SEPTIN8: variants seen among roughly 807,000 people sequenced by gnomAD.
SEPTIN8 encodes septin 8.
SEPTIN8 carries 22 observed loss-of-function variants against 53.1 expected under a neutral mutation model. The ratio of observed to expected loss-of-function variants is 0.41; its 90% CI spans 0.30 to 0.59. The LOEUF is 0.59. SEPTIN8 is among the 20% of genes least tolerant of loss of function. SEPTIN8 has a pLI of 0.24. For synonymous variants in SEPTIN8, 228 were observed against 248.4 expected (o/e 0.92, Z 0.77); for missense variants, 536 against 638.7 (o/e 0.84, Z 1.73).
chr5:132,763,938 G>A (rs1194594972), intron 3 of SEPTIN8, 46 bp from the exon 4 acceptor site: 1 of 1,500,758 alleles, frequency 6.7e-7, no homozygotes, highest in Admixed American at 2.2e-5. Context: ...TGAGATCAGG[G>A]GCTTGGGGCT....
chr5:132,763,929 G>A (rs1756280116), intron 3 of SEPTIN8, 37 bp from the exon 4 acceptor site: 1 of 1,522,792 alleles, frequency 6.6e-7, no homozygotes, highest in Non-Finnish European at 8.8e-7. Context: ...GCTGCCAGCT[G>A]AGATCAGGGG....
rs141037972 is a variant in SEPTIN8, at chr5:132,774,780, C to T, written c.30+2328G>A. 7.3e-4 allele frequency among the ~76,000 whole-genome samples: 111 copies of T among 152,280 alleles called. 1 individual carries two copies. The East Asian group carries it at 0.017, about 23-fold the overall frequency. On this transcript the variant is annotated intron_variant, in intron 1 of 9. Transcript: ENST00000378719. Reference sequence around the variant, plus strand: ...CAGTGTAGACCTGTCATGGCTCCATCACATCCTGGGGCTTGCGAGACACCT... The same window carrying T: ...CAGTGTAGACCTGTCATGGCTCCATTACATCCTGGGGCTTGCGAGACACCT...
Position 132,761,385 on chromosome 5 carries a change from C to G in SEPTIN8, c.962+73G>C, listed in dbSNP as rs1289576479. 3.8e-6 allele frequency: 6 copies of G among 1,586,200 alleles called. No homozygotes were observed. The highest frequency in any genetic ancestry group is 5.1e-6 in the Non-Finnish European group (6 of 1,168,668). On this transcript the variant is annotated intron_variant, in intron 7 of 9. Coordinates refer to ENST00000378719, the MANE Select transcript of SEPTIN8 (RefSeq NM_001098811.2). This position sits in a 1 kb window ranked among gnomAD's most constrained non-coding sequence, Gnocchi z 5.8. ...AGGGGTAAGAGGATGTGGGGTCCCT[C>G]AGGGAACAGATGCCAGGGTGGTGTG...
intron 3 of SEPTIN8, 32 bp from the exon 4 acceptor site, chr5:132,763,924 C>A: frequency 6.5e-7 from 1 of 1,527,978 alleles, no homozygotes; most frequent in South Asian, 1.3e-5. Context: ...AGGAGGCTGC[C>A]AGCTGAGATC....
chr5:132,764,780 T>C (rs30506), intron 2 of SEPTIN8, among the ~76,000 whole-genome samples: 55,244 of 152,054 alleles, frequency 0.36, 16,843 homozygotes, highest in African/African-American at 0.8. Context: ...ACACCCCTCC[T>C]GGGACCAGGG....
intron 9 of SEPTIN8, among the ~76,000 whole-genome samples, chr5:132,755,000 A>G (rs1265766619): frequency 4.6e-5 from 7 of 152,176 alleles, no homozygotes; most frequent in Non-Finnish European, 1.0e-4. Context: ...CTTCCCTGAA[A>G]TGAATGAGCC....
At position 132,759,097 on chromosome 5, in the gene SEPTIN8, A is replaced by G. The variant is rs1755635739; in HGVS notation, c.1286+1705T>C. 3 of 597,492 alleles carry G rather than the reference A, an allele frequency of 5.0e-6. No individual in the cohort carries two copies. The East Asian group carries it at 1.1e-4, about 21-fold the overall frequency. 37.0% of individuals were successfully genotyped at this position (597,492 alleles called of 1,614,324 possible). Reference sequence around the variant, plus strand: ...AAACCACTCAAATAAATGGTCATGAAAAACACCCCTGCCCCCATTCCAAAA... The same window carrying G: ...AAACCACTCAAATAAATGGTCATGAGAAACACCCCTGCCCCCATTCCAAAA... On this transcript the variant is annotated intron_variant, in intron 9 of 9. Coordinates refer to ENST00000378719, the MANE Select transcript of SEPTIN8 (RefSeq NM_001098811.2).
rs1473079443 is a variant in SEPTIN8 at position 132,751,834 on chromosome 5, T to C, written c.*182A>G. The stretch of plus-strand genomic sequence containing the variant: ...AAGCCTCAAGCCCCTTACGGAGCCA[T>C]GGATAGGAATGAAAAGGGTTGGGCA... On this transcript the variant is annotated 3_prime_UTR_variant, in exon 10 of 10. Transcript: ENST00000378719. The C allele has an allele frequency of 7.3e-6, 8 of 1,097,152 alleles. No homozygotes were observed. The highest frequency in any genetic ancestry group is 9.1e-6 in the Non-Finnish European group (7 of 772,554). 68.0% of individuals were successfully genotyped at this position (1,097,152 alleles called of 1,614,324 possible). A position where few individuals can be genotyped will look rare whatever the true frequency, so the allele number is the denominator to read the frequency against.
intron 4 of SEPTIN8, among the ~76,000 whole-genome samples, chr5:132,763,354 T>C (rs182171985): frequency 2.0e-5 from 3 of 151,936 alleles, no homozygotes; most frequent in South Asian, 2.1e-4. Flanking sequence ...AATTGAGAGA[T>C]AGAAAATGAG....
At position 132,763,765 on chromosome 5, in the gene SEPTIN8, G is replaced by A; in HGVS notation, c.475C>T (p.Pro159Ser). 6.2e-7 allele frequency: 1 copy of A among 1,614,190 alleles called. No homozygotes were observed. The highest frequency in any genetic ancestry group is 1.1e-5 in the South Asian group (1 of 91,080). ...AGAGACTTCAGGGAGTGCCCTGTGG[G>A]CGTGATGAAGTAGAGGCAAACGTGG... ...RIHVCLYFIT[P>S]TGHSLKSLDL... is the part of the protein sequence containing the mutation. Residue 159 changes from proline (P) to serine (S), a missense_variant, in exon 4 of 10, where the codon CCC (proline) becomes TCC (serine). By Grantham distance (74) the Pro-to-Ser change is moderately conservative. This residue lies in a region of SEPTIN8 where 395 missense variants were observed against 451.8 expected (regional missense o/e 0.87). Transcript: ENST00000378719.
intron 9 of SEPTIN8, chr5:132,752,988 C>T (rs376498063): frequency 6.4e-5 from 102 of 1,593,588 alleles, no homozygotes; most frequent in Middle Eastern, 1.8e-4. Flanking sequence ...GCCTCCACCC[C>T]GGGGCTTTCA....
chr5:132,770,061 GTGTATATATATATATATA>G (rs1157093624), intron 1 of SEPTIN8, among the ~76,000 whole-genome samples: 2 of 74,080 alleles, frequency 2.7e-5, no homozygotes, highest in African/African-American at 4.9e-5. Context: ...GTGTGTGTGT[GTGTATATATATATATATA>G]TGTATATATG....
rs1757886302 is a variant in SEPTIN8, at chr5:132,777,168, G to A, written c.-31C>T. 2.9e-6 allele frequency: 2 copies of A among 680,366 alleles called. No individual in the cohort carries two copies. Among genetic ancestry groups the A allele is most frequent in the Admixed American group, 5.0e-5 (1 of 19,924 alleles). 42.1% of individuals were successfully genotyped at this position (680,366 alleles called of 1,614,324 possible). A position where few individuals can be genotyped will look rare whatever the true frequency, so the allele number is the denominator to read the frequency against. ...GCTCCGCACCGGGCGGGTGGGCTGG[G>A]ACGAGCGCAGGGGCAGCGACAGGGA... On this transcript the variant is annotated 5_prime_UTR_variant, in exon 1 of 10. Coordinates refer to ENST00000378719, the MANE Select transcript of SEPTIN8 (RefSeq NM_001098811.2). This position sits in a 1 kb window ranked among gnomAD's most constrained non-coding sequence, Gnocchi z 4.1.
chr5:132,763,354 T>G (rs182171985), intron 4 of SEPTIN8, among the ~76,000 whole-genome samples: 33 of 152,054 alleles, frequency 2.2e-4, no homozygotes, highest in Non-Finnish European at 3.5e-4. Context: ...AATTGAGAGA[T>G]AGAAAATGAG....
In SEPTIN8 at chr5:132,767,161, C is replaced by G. The variant is rs568737974; in HGVS notation, c.31-1632G>C. On this transcript the variant is annotated intron_variant, in intron 1 of 9. Coordinates refer to ENST00000378719, the MANE Select transcript of SEPTIN8 (RefSeq NM_001098811.2). ...CCAAAGCATCATGTCCCAATCTCCC[C>G]ACTCAAGCCCAGATCTCCTTAGGGC... is the stretch of plus-strand genomic sequence containing the variant. 2.6e-5 allele frequency among the ~76,000 whole-genome samples: 4 copies of G among 152,336 alleles called. No homozygotes were observed. In the South Asian group the frequency reaches 8.3e-4, roughly 32 times the overall value.
chr5:132,762,508 A>G lies in SEPTIN8; in HGVS notation c.672T>C (p.Val224=). 5 of 1,614,240 alleles carry G rather than the reference A, an allele frequency of 3.1e-6. No homozygotes were observed. The highest frequency in any genetic ancestry group is 4.2e-6 in the Non-Finnish European group (5 of 1,180,030). ...IYQFPTDDEA[V]AEINAVMNAH... ...CATTCATGACTGCGTTAATCTCTGCAACAGCCTCATCATCCGTGGGGAACT... is the reference window on the plus strand; with the variant it reads ...CATTCATGACTGCGTTAATCTCTGCGACAGCCTCATCATCCGTGGGGAACT... Residue 224 remains valine (V), a synonymous_variant, in exon 5 of 10, where the codon GTT becomes GTC. Coordinates refer to ENST00000378719, the MANE Select transcript of SEPTIN8 (RefSeq NM_001098811.2).
chr5:132,772,884 C>T (rs530613470), intron 1 of SEPTIN8, among the ~76,000 whole-genome samples: 1 of 152,156 alleles, frequency 6.6e-6, no homozygotes, highest in Non-Finnish European at 1.5e-5. Flanking sequence ...CCTGGAGCCC[C>T]CTCAGAAAAC....
chr5:132,772,094 C>T (rs1278839421), intron 1 of SEPTIN8, among the ~76,000 whole-genome samples: 1 of 152,214 alleles, frequency 6.6e-6, no homozygotes, highest in African/African-American at 2.4e-5. Flanking sequence ...CCTCACAAGG[C>T]CAGTCCTACT....
Position 132,750,956 on chromosome 5 carries a change from T to C in SEPTIN8, c.*1060A>G, listed in dbSNP as rs1754793643. ...GCTGGCTATTCTGGACAGACTGCAC[T>C]GGGACCTCTATATTGGGACGCCGCT... is the stretch of plus-strand genomic sequence containing the variant. On this transcript the variant is annotated 3_prime_UTR_variant, in exon 10 of 10. Transcript: ENST00000378719. The C allele has an allele frequency of 6.2e-7, 1 of 1,614,266 alleles. No homozygotes were observed. Among genetic ancestry groups the C allele is most frequent in the East Asian group, 2.2e-5 (1 of 44,892 alleles).
Sources: allele counts gnomAD v4.1 joint callset (sites outside exome capture counted in the v4.1 genomes callset), GRCh38; gene constraint gnomAD v4.1.1; regional missense constraint gnomAD v4.1.1; non-coding constraint Gnocchi (gnomAD v3.1); transcripts MANE v1.5; gene names NCBI Gene and HGNC (gene_info 2026-07-23, HGNC 2026-07-21).